Variants in ARHGEF25 observed in about 807,000 individuals in gnomAD.
ARHGEF25 encodes Rho guanine nucleotide exchange factor 25, also known as RAC/CDC42 exchange factor.
In ARHGEF25, 42 loss-of-function variants were observed where a neutral mutation model predicts 74.0. The observed-to-expected ratio is 0.57, with a 90% CI of 0.44 to 0.73. The LOEUF (loss-of-function observed/expected upper bound fraction) is 0.73, where lower values mean the gene tolerates loss of function less well. Ranked by LOEUF, ARHGEF25 falls within the 30% of genes least tolerant of loss-of-function variation. ARHGEF25 has a pLI of 0.00. For missense variants in ARHGEF25, 645 were observed against 725.5 expected (o/e 0.89, Z 1.27); for synonymous variants, 293 against 278.6 (o/e 1.05, Z -0.51).
At chr12:57,610,748 A>C, upstream of ARHGEF25, 1 of 1,371,858 alleles carries the variant, frequency 7.3e-7, no homozygotes, top group Admixed American at 2.2e-5. Flanking sequence ...GAATTCAAAA[A>C]TATTCTATTC....
intron 12 of ARHGEF25, 29 bp downstream of exon 12, chr12:57,615,741 G>GGA (rs776135785): frequency 6.2e-7 from 1 of 1,613,860 alleles, no homozygotes; most frequent in Non-Finnish European, 8.5e-7. Flanking sequence ...GGGAGGGCTT[G>GGA]GAGAGAGAGA....
chr12:57,614,045 G>C lies in ARHGEF25; in HGVS notation c.582G>C (p.Gly194=), dbSNP rs1594960343. The change falls in exon 6 of 15, where the codon GGG becomes GGC. Residue 194 remains glycine (G), a synonymous_variant. Coordinates refer to ENST00000286494, the MANE Select transcript of ARHGEF25 (RefSeq NM_182947.4). This position sits in a 1 kb window ranked among gnomAD's most constrained non-coding sequence, Gnocchi z 4.6. ...EGYMATMAAQ[G]VPESLRGRDR... is the part of the protein sequence containing the mutation. ...ATATGGCCACCATGGCTGCTCAGGG[G>C]GTCCCCGAGAGTCTTCGAGGCCGTG... 1.9e-6 allele frequency: 3 copies of C among 1,613,922 alleles called. No homozygotes were observed.
At chr12:57,611,356 A>G, upstream of ARHGEF25, 3 of 825,108 alleles carry the variant, frequency 3.6e-6, no homozygotes, top group Non-Finnish European at 2.9e-6. The surrounding 1 kb of genome is among the most constrained non-coding windows in gnomAD (Gnocchi z 4.5). Flanking sequence ...CGGCGCAGGC[A>G]GGAGGGGGAA....
At chr12:57,613,868 C>G in intron 5 of ARHGEF25, 108 bp downstream of exon 5, 1 of 1,502,540 alleles carries the variant, frequency 6.7e-7, no homozygotes. Flanking sequence ...TCAAGCCTCC[C>G]CACTCCTGGA....
At chr12:57,616,737 G>T (rs1472274354) in intron 14 of ARHGEF25, 47 bp from the exon 15 acceptor site, 2 of 1,346,512 alleles carry the variant, frequency 1.5e-6, no homozygotes. Flanking sequence ...AGAAGTGAGG[G>T]TAGATTTCTG....
At chr12:57,611,323 G>C, upstream of ARHGEF25, 1 of 444,258 alleles carries the variant, frequency 2.3e-6, no homozygotes, top group Non-Finnish European at 3.0e-6. This position sits in a 1 kb window ranked among gnomAD's most constrained non-coding sequence, Gnocchi z 4.5. Flanking sequence ...GTGTCTGGGG[G>C]AGGGGCGATC....
Position 57,613,468 on chromosome 12 carries a change from C to A in ARHGEF25, c.437C>A (p.Ala146Asp), listed in dbSNP as rs1315643782. Residue 146 changes from alanine (A) to aspartate (D), a missense_variant, in exon 4 of 15, where the codon GCC becomes GAC. Around this residue, in one of 3 missense-constraint regions of ARHGEF25, gnomAD observed 189 missense variants for 199.1 expected, o/e 0.95. Coordinates refer to ENST00000286494, the MANE Select transcript of ARHGEF25 (RefSeq NM_182947.4). ...QPPEEETLSQ[A>D]PESEEEQKKK... ...CCTGAAGAGGAGACTTTGTCCCAAG[C>A]CCCTGAGAGTGAGGAGGAACAGAAG... 3 of 1,614,162 alleles carry A rather than the reference C, an allele frequency of 1.9e-6. No individual in the cohort carries two copies. The highest frequency in any genetic ancestry group is 2.5e-6 in the Non-Finnish European group (3 of 1,180,026).
At chr12:57,610,522 A>T, upstream of ARHGEF25, 1 of 1,502,888 alleles carries the variant, frequency 6.7e-7, no homozygotes, top group Non-Finnish European at 9.1e-7. Context: ...GGGGGAGGTC[A>T]GGGCTGCCTA....
In ARHGEF25 at chr12:57,613,308, G is replaced by T. The variant is rs61754584; in HGVS notation, c.357G>T (p.Pro119=). The change falls in exon 3 of 15, where the codon CCG becomes CCT. Residue 119 remains proline (P), a synonymous_variant. Coordinates refer to ENST00000286494, the MANE Select transcript of ARHGEF25 (RefSeq NM_182947.4). ...CTCTAGCCACAGGAGAGGAGCTGCCGGAACTGACCTTGCTGACCACACTGT... is the reference window on the plus strand; with the variant it reads ...CTCTAGCCACAGGAGAGGAGCTGCCTGAACTGACCTTGCTGACCACACTGT... The part of the protein sequence containing the change: ...EPALATGEEL[P]ELTLLTTLLE... 6.2e-7 allele frequency: 1 copy of T among 1,614,246 alleles called. No individual in the cohort carries two copies. Among genetic ancestry groups the T allele is most frequent in the Admixed American group, 1.7e-5 (1 of 60,038 alleles).
In ARHGEF25 at chr12:57,611,846, C is replaced by A; in HGVS notation, c.-49C>A. 1 of 1,210,612 alleles carries A rather than the reference C, an allele frequency of 8.3e-7. No individual in the cohort carries two copies. The highest frequency in any genetic ancestry group is 1.0e-6 in the Non-Finnish European group (1 of 956,798). 75.0% of individuals were successfully genotyped at this position (1,210,612 alleles called of 1,614,324 possible). A position where few individuals can be genotyped will look rare whatever the true frequency, so the allele number is the denominator to read the frequency against. On this transcript the variant is annotated 5_prime_UTR_variant, in exon 1 of 15. Transcript: ENST00000286494. This position sits in a 1 kb window ranked among gnomAD's most constrained non-coding sequence, Gnocchi z 4.5. ...CGTCCCCGCCCCGCCCCCCGTGATT[C>A]CCCCTGCATGGCCGGCCCGGGTGGG...
chr12:57,616,432 C>G lies in ARHGEF25; in HGVS notation c.1569C>G (p.Leu523=), dbSNP rs1884292888. The G allele has an allele frequency of 6.2e-7, 1 of 1,614,060 alleles. No individual in the cohort carries two copies. The highest frequency in any genetic ancestry group is 8.5e-7 in the Non-Finnish European group (1 of 1,180,044). The part of the protein sequence containing the change: ...GSTHTPINGS[L]PSLLLSPKGE... ...CACACACACCCATCAATGGCTCTCT[C>G]CCCTCTCTGCTGCTGTCACCCAAAG... Residue 523 remains leucine, a synonymous_variant, in exon 14 of 15, where the codon CTC becomes CTG. Transcript: ENST00000286494.
In ARHGEF25 at chr12:57,611,779, C is replaced by A; in HGVS notation, c.-116C>A. ...TCCCCTCCCTCCCCCCCTCCCACAGCCTGGACCGGGGTAGGAGGGAGGGGG... is the reference window on the plus strand; with the variant it reads ...TCCCCTCCCTCCCCCCCTCCCACAGACTGGACCGGGGTAGGAGGGAGGGGG... On this transcript the variant is annotated 5_prime_UTR_variant, in exon 1 of 15. Coordinates refer to ENST00000286494, the MANE Select transcript of ARHGEF25 (RefSeq NM_182947.4). The surrounding 1 kb of genome is among the most constrained non-coding windows in gnomAD (Gnocchi z 4.5). 1 of 1,137,174 alleles carries A rather than the reference C, an allele frequency of 8.8e-7. No individual in the cohort carries two copies. The highest frequency in any genetic ancestry group is 1.6e-5 in the African/African-American group (1 of 62,300). 70.4% of individuals were successfully genotyped at this position (1,137,174 alleles called of 1,614,324 possible).
intron 12 of ARHGEF25, 57 bp from the exon 13 acceptor site, chr12:57,615,780 A>G: frequency 6.2e-7 from 1 of 1,612,648 alleles, no homozygotes; most frequent in Non-Finnish European, 8.5e-7. Context: ...AGGATGTCTC[A>G]GAGGAGCCAG....
upstream of ARHGEF25, chr12:57,611,308 TG>T: frequency 6.3e-6 from 2 of 316,964 alleles, no homozygotes; most frequent in Non-Finnish European, 9.0e-6. This position sits in a 1 kb window ranked among gnomAD's most constrained non-coding sequence, Gnocchi z 4.5. Context: ...AGTGGGAACG[TG>T]GTGGTGTCTG....
At chr12:57,613,633 G>T (rs1172538223) in intron 4 of ARHGEF25, 61 bp from the exon 5 acceptor site, 13 of 1,610,574 alleles carry the variant, frequency 8.1e-6, no homozygotes, top group Non-Finnish European at 1.0e-5. Context: ...AGGGAGGAAC[G>T]GGCTGAACCA....
chr12:57,614,714 G>C lies in ARHGEF25; in HGVS notation c.842G>C (p.Arg281Pro), dbSNP rs1373989149. 1 of 1,613,440 alleles carries C rather than the reference G, an allele frequency of 6.2e-7. No homozygotes were observed. Among genetic ancestry groups the C allele is most frequent in the Non-Finnish European group, 8.5e-7 (1 of 1,179,828 alleles). The change falls in exon 9 of 15, where the codon CGC (arginine) becomes CCC (proline). Residue 281 changes from arginine to proline, a missense_variant. Physicochemically the swap from Arg to Pro is moderately radical, Grantham distance 103. Around this residue, in one of 3 missense-constraint regions of ARHGEF25, gnomAD observed 194 missense variants for 269.4 expected, o/e 0.72. Transcript: ENST00000286494. The surrounding 1 kb of genome is among the most constrained non-coding windows in gnomAD (Gnocchi z 4.6). ...GAGCTCCGGCAGCAGCTGGGGCACC[G>C]CCTGCAGCTGAACGACCTCCTCATC... ...FEELRQQLGH[R>P]LQLNDLLIKP...
At chr12:57,610,683 C>T (rs761935620), upstream of ARHGEF25, 5 of 1,606,822 alleles carry the variant, frequency 3.1e-6, no homozygotes, top group African/African-American at 2.7e-5. Flanking sequence ...CTCTGCAGCC[C>T]GGTAAGAAGC....
chr12:57,613,339 G>T lies in ARHGEF25; in HGVS notation c.388G>T (p.Gly130Cys), dbSNP rs1384011904. 6 of 1,614,128 alleles carry T rather than the reference G, an allele frequency of 3.7e-6. No individual in the cohort carries two copies. The highest frequency in any genetic ancestry group is 5.1e-6 in the Non-Finnish European group (6 of 1,180,048). ...ELTLLTTLLE[G>C]PGDKTQPPEE... is the part of the protein sequence containing the mutation. ...GACCTTGCTGACCACACTGTTGGAG[G>T]GCCCTGGAGATAAGACGCAGGTGTG... Residue 130 changes from glycine (G) to cysteine (C), a missense_variant, in exon 3 of 15, where the codon GGC (glycine) becomes TGC (cysteine). This residue lies in a region of ARHGEF25 where 189 missense variants were observed against 199.1 expected (regional missense o/e 0.95). Coordinates refer to ENST00000286494, the MANE Select transcript of ARHGEF25 (RefSeq NM_182947.4).
Position 57,611,933 on chromosome 12 carries a change from C to T in ARHGEF25, c.39C>T (p.Pro13=). Residue 13 remains proline (P), a synonymous_variant, in exon 1 of 15, where the codon CCC becomes CCT. Coordinates refer to ENST00000286494, the MANE Select transcript of ARHGEF25 (RefSeq NM_182947.4). This position sits in a 1 kb window ranked among gnomAD's most constrained non-coding sequence, Gnocchi z 4.5. Reference sequence around the variant, plus strand: ...ACAAAGGGGGTCGCTGTGCCTGTCCCCGTGTGATCCGAAAAGTGCTGGCAA... The same window carrying T: ...ACAAAGGGGGTCGCTGTGCCTGTCCTCGTGTGATCCGAAAAGTGCTGGCAA... The part of the protein sequence containing the change: ...GGHKGGRCAC[P]RVIRKVLAKC... 3 of 1,308,502 alleles carry T rather than the reference C, an allele frequency of 2.3e-6. No individual in the cohort carries two copies. Among genetic ancestry groups the T allele is most frequent in the Non-Finnish European group, 2.9e-6 (3 of 1,018,962 alleles). 81.1% of individuals were successfully genotyped at this position (1,308,502 alleles called of 1,614,324 possible).
Sources: allele counts gnomAD v4.1 joint callset, GRCh38; gene constraint gnomAD v4.1.1; regional missense constraint gnomAD v4.1.1; non-coding constraint Gnocchi (gnomAD v3.1); transcripts MANE v1.5; gene names NCBI Gene and HGNC (gene_info 2026-07-23, HGNC 2026-07-21).